KDR: variants seen among roughly 807,000 people sequenced by gnomAD.
KDR encodes the protein kinase insert domain receptor.
Under a neutral mutation model 160.9 loss-of-function variants are expected in KDR, and 43 were observed. The observed-to-expected ratio is 0.27, with a 90% confidence interval of 0.21 to 0.34. The LOEUF (loss-of-function observed/expected upper bound fraction) is 0.34, where lower values mean the gene tolerates loss of function less well. KDR is among the 10% of genes least tolerant of loss of function. The pLI, the probability that KDR is intolerant of heterozygous loss-of-function variation, is 1.00. For synonymous variants in KDR, 617 were observed against 600.1 expected (o/e 1.03, Z -0.41); for missense variants, 1,469 against 1,666.4 (o/e 0.88, Z 2.06).
chr4:55,112,870 G>C (rs1720629748), intron 7 of KDR, among the ~76,000 whole-genome samples: 1 of 152,102 alleles, frequency 6.6e-6, no homozygotes, highest in Admixed American at 6.5e-5. Context: ...AAAGTTAGGG[G>C]AACTCCCCTG....
In KDR at chr4:55,113,335, G is replaced by A; in HGVS notation, c.945C>T (p.Thr315=). ...YTCAASSGLM[T]KKNSTFVRVH... ...CCCTGACAAATGTGCTGTTCTTCTTGGTCATCAGCCCACTGGATGCTGCAC... is the reference window on the plus strand; with the variant it reads ...CCCTGACAAATGTGCTGTTCTTCTTAGTCATCAGCCCACTGGATGCTGCAC... Residue 315 remains threonine (T), a synonymous_variant, in exon 7 of 30, where the codon ACC becomes ACT. Transcript: ENST00000263923. 1.2e-6 allele frequency: 2 copies of A among 1,614,034 alleles called. No individual in the cohort carries two copies. Among genetic ancestry groups the A allele is most frequent in the Non-Finnish European group, 1.7e-6 (2 of 1,179,958 alleles).
At position 55,106,714 on chromosome 4, in the gene KDR, T is replaced by C. The variant is rs776299705; in HGVS notation, c.1509A>G (p.Gln503=). The change falls in exon 11 of 30, where the codon CAA becomes CAG. Residue 503 remains glutamine, a synonymous_variant. Coordinates refer to ENST00000263923, the MANE Select transcript of KDR (RefSeq NM_002253.4). ...TGTTTTTTCCTTCAATTAGAGCAAA[T>C]TGATTTTTATTAACTTCAATTTTAT... ...GGNKIEVNKN[Q]FALIEGKNKT... is the part of the protein sequence containing the mutation. The C allele has an allele frequency of 5.7e-6, 9 of 1,581,654 alleles. No homozygotes were observed. The highest frequency in any genetic ancestry group is 1.3e-5 in the African/African-American group (1 of 74,366).
chr4:55,101,763 C>T lies in KDR; in HGVS notation c.2266+134G>A. 4 of 751,054 alleles carry T rather than the reference C, an allele frequency of 5.3e-6. No individual in the cohort carries two copies. The South Asian group carries it at 6.1e-5, about 11-fold the overall frequency. The allele number at this position is 751,054 out of a possible 1,614,324, so 46.5% of individuals were successfully genotyped here. On this transcript the variant is annotated intron_variant, in intron 15 of 29. Transcript: ENST00000263923. ...AATGTGTGGCGTTTGGTTTTCTGTT[C>T]CTGTGTTAGTTTGCTGAGGATAATG...
intron 15 of KDR, among the ~76,000 whole-genome samples, 179 bp from the exon 16 acceptor site, chr4:55,098,982 A>ATTT (rs1720237080): frequency 1.2e-4 from 17 of 143,042 alleles, no homozygotes; most frequent in Middle Eastern, 3.5e-3. Flanking sequence ...TTTTGAATTT[A>ATTT]ATTTATTTAT....
At chr4:55,087,259 C>A (rs536225858) in intron 27 of KDR, among the ~76,000 whole-genome samples, 1 of 152,320 alleles carries the variant, frequency 6.6e-6, no homozygotes, top group South Asian at 2.1e-4. Context: ...CCATTTAATT[C>A]ACATTAATAA....
At chr4:55,097,797 C>T (rs1260988565) in intron 17 of KDR, 31 bp from the exon 18 acceptor site, 1 of 1,481,984 alleles carries the variant, frequency 6.7e-7, no homozygotes, top group African/African-American at 1.4e-5. Flanking sequence ...AACAAGAAAA[C>T]AGACTTGGAT....
rs2110027210 is a variant in KDR at position 55,110,419 on chromosome 4, G to C, written c.1239C>G (p.Val413=). 6.2e-7 allele frequency: 1 copy of C among 1,614,018 alleles called. No homozygotes were observed. The highest frequency in any genetic ancestry group is 8.5e-7 in the Non-Finnish European group (1 of 1,179,942). The change falls in exon 9 of 30, where the codon GTC becomes GTG. Residue 413 remains valine (V), a synonymous_variant. Coordinates refer to ENST00000263923, the MANE Select transcript of KDR (RefSeq NM_002253.4). ...TGGACTCACCATACACAACCAGAGA[G>C]ACCACATGGCTCTGCTTCTCCTTTG... is the stretch of plus-strand genomic sequence containing the variant. The part of the protein sequence containing the change: ...PISKEKQSHV[V]SLVVYVPPQI...
At position 55,104,608 on chromosome 4, in the gene KDR, T is replaced by C. The variant is rs765330408; in HGVS notation, c.1987+35A>G. ...TGCACTACATTTAAGGCATTCCAAC[T>C]GCCTCTGCACAATGATCCAGAATTG... On this transcript the variant is annotated intron_variant, in intron 13 of 29. Transcript: ENST00000263923. The C allele has an allele frequency of 1.9e-6, 3 of 1,548,996 alleles. No homozygotes were observed. The Admixed American group carries it at 5.1e-5, about 26-fold the overall frequency.
At chr4:55,124,975 C>G (rs1418352006) in intron 1 of KDR, among the ~76,000 whole-genome samples, 1 of 152,212 alleles carries the variant, frequency 6.6e-6, no homozygotes, top group Non-Finnish European at 1.5e-5. Context: ...AGGACATGCT[C>G]CAGCCGAGGT....
chr4:55,116,746 G>A (rs762872683), intron 3 of KDR, among the ~76,000 whole-genome samples: 39 of 152,258 alleles, frequency 2.6e-4, no homozygotes, highest in Non-Finnish European at 4.9e-4. Context: ...CCCACCACAT[G>A]CCATAGCCAT....
At chr4:55,105,774 T>A in intron 12 of KDR, 58 bp downstream of exon 12, 1 of 1,029,706 alleles carries the variant, frequency 9.7e-7, no homozygotes, top group South Asian at 1.3e-5. Context: ...GGGAATTACA[T>A]AGCTTAGTAC....
At chr4:55,121,005 C>G (rs978989100) in intron 2 of KDR, 92 bp downstream of exon 2, 1 of 843,678 alleles carries the variant, frequency 1.2e-6, no homozygotes, top group Non-Finnish European at 2.0e-6. Context: ...ACTACAAGCT[C>G]TATTATAATT....
In KDR at chr4:55,115,273, C is replaced by T. The variant is rs776368647; in HGVS notation, c.489+8G>A. 6 of 1,592,972 alleles carry T rather than the reference C, an allele frequency of 3.8e-6. No individual in the cohort carries two copies. The highest frequency in any genetic ancestry group is 5.2e-6 in the Non-Finnish European group (6 of 1,164,804). Reference sequence around the variant, plus strand: ...ACTTAAGAGACGATTGGAGGAGATGCAACTTACTGCACAAAGTGACACGTT... The same window carrying T: ...ACTTAAGAGACGATTGGAGGAGATGTAACTTACTGCACAAAGTGACACGTT... On this transcript the variant is annotated splice_region_variant and intron_variant, in intron 4 of 29. Transcript: ENST00000263923.
intron 13 of KDR, among the ~76,000 whole-genome samples, chr4:55,102,738 T>C (rs994150293): frequency 6.6e-6 from 1 of 152,134 alleles, no homozygotes; most frequent in Non-Finnish European, 1.5e-5. Context: ...TAGCTGGTAA[T>C]CCCATCACAA....
chr4:55,091,322 T>C (rs1169281184), intron 22 of KDR, among the ~76,000 whole-genome samples: 1 of 152,202 alleles, frequency 6.6e-6, no homozygotes, highest in Non-Finnish European at 1.5e-5. Flanking sequence ...GACAGTGTTT[T>C]TGACTTTTCC....
intron 19 of KDR, 23 bp downstream of exon 19, chr4:55,096,206 C>G: frequency 2.7e-6 from 4 of 1,480,998 alleles, no homozygotes; most frequent in Non-Finnish European, 3.8e-6. Flanking sequence ...ATTGGGTGAC[C>G]AAAACCACCC....
rs773558455 is a variant in KDR, at chr4:55,114,848, G to A, written c.658+26C>T. On this transcript the variant is annotated intron_variant, in intron 5 of 29. Coordinates refer to ENST00000263923, the MANE Select transcript of KDR (RefSeq NM_002253.4). ...CTTAATACAAGGATATGTTATTAAT[G>A]ATATGGAAAGGAAATGTCCTCTTAC... 159 of 1,556,138 alleles carry A rather than the reference G, an allele frequency of 1.0e-4. 2 individuals are homozygous for A. The South Asian group carries it at 1.7e-3, about 16-fold the overall frequency.
In KDR at chr4:55,095,741, C is replaced by A. The variant is rs188919125; in HGVS notation, c.2729-76G>T. 660 of 990,300 alleles carry A rather than the reference C, an allele frequency of 6.7e-4. 9 individuals are homozygous for A. In the African/African-American group the frequency reaches 8.7e-3, roughly 13 times the overall value. 61.3% of individuals were successfully genotyped at this position (990,300 alleles called of 1,614,324 possible). ...ACTAAGCGTTTAATATAGTGATGAA[C>A]CCAAAAACACCTTAGAAGAAGGCTA... On this transcript the variant is annotated intron_variant, in intron 19 of 29. Coordinates refer to ENST00000263923, the MANE Select transcript of KDR (RefSeq NM_002253.4).
intron 12 of KDR, among the ~76,000 whole-genome samples, 167 bp from the exon 13 acceptor site, chr4:55,105,151 A>G (rs1720413658): frequency 6.6e-6 from 1 of 152,144 alleles, no homozygotes; most frequent in South Asian, 2.1e-4. Context: ...AGGTCCCAAA[A>G]TATCTTATTT....
Sources: gnomAD v4.1 joint callset for allele counts (sites outside exome capture counted in the v4.1 genomes callset) on GRCh38, gnomAD v4.1.1 for gene constraint, MANE v1.5 for transcripts, NCBI Gene and HGNC (gene_info 2026-07-23, HGNC 2026-07-21) for gene names.